ATG16L1: variants seen among roughly 807,000 people sequenced by gnomAD.
ATG16L1 encodes the protein autophagy-related protein 16-1.
In ATG16L1, 37 loss-of-function variants were observed where a neutral mutation model predicts 88.5. The observed-to-expected ratio is 0.42, with a 90% confidence interval of 0.32 to 0.55. The LOEUF is 0.55. ATG16L1 is among the 20% of genes least tolerant of loss of function. The pLI, the probability that ATG16L1 is intolerant of heterozygous loss-of-function variation, is 0.13. For synonymous variants in ATG16L1, 301 were observed against 281.0 expected, an observed-to-expected ratio of 1.07 and a Z score of -0.71; for missense variants, 554 against 752.8, an observed-to-expected ratio of 0.74 and a Z score of 3.09.
At chr2:233,273,328 A>G (rs1698117848) in intron 7 of ATG16L1, 2 of 503,746 alleles carry the variant, frequency 4.0e-6, no homozygotes, top group East Asian at 3.3e-5. Flanking sequence ...ATTAAGCAGA[A>G]TGATTGTTTA....
intron 1 of ATG16L1, 44 bp from the exon 2 acceptor site, chr2:233,256,058 C>A (rs147015927): frequency 2.7e-6 from 4 of 1,508,394 alleles, no homozygotes; most frequent in Non-Finnish European, 3.7e-6. Context: ...AGTGTACATA[C>A]GTTGTAATAA....
At position 233,251,763 on chromosome 2, in the gene ATG16L1, T is replaced by G. The variant is rs1696384728; in HGVS notation, c.-65T>G. On this transcript the variant is annotated 5_prime_UTR_variant, in exon 1 of 18. Coordinates refer to ENST00000392017, the MANE Select transcript of ATG16L1 (RefSeq NM_030803.7). ...CCCGCTTCTGCTGGTTGCTTCATGC[T>G]GCAGGCTGCGGCCGTCAGCCCTCGC... The G allele has an allele frequency of 6.9e-7, 1 of 1,439,800 alleles. No individual in the cohort carries two copies. Among genetic ancestry groups the G allele is most frequent in the Non-Finnish European group, 9.5e-7 (1 of 1,050,938 alleles). The allele number at this position is 1,439,800 out of a possible 1,614,324, so 89.2% of individuals were successfully genotyped here.
intron 10 of ATG16L1, among the ~76,000 whole-genome samples, chr2:233,278,266 T>C (rs2125262144): frequency 6.6e-6 from 1 of 152,302 alleles, no homozygotes; most frequent in Admixed American, 6.5e-5. Context: ...AAAATGGAAG[T>C]TAATGAAACC....
In ATG16L1 at chr2:233,281,102, C is replaced by T; in HGVS notation, c.1061-3C>T. 6.3e-7 allele frequency: 1 copy of T among 1,578,986 alleles called. No homozygotes were observed. The highest frequency in any genetic ancestry group is 8.6e-7 in the Non-Finnish European group (1 of 1,166,554). On this transcript the variant is annotated splice_polypyrimidine_tract_variant and splice_region_variant and intron_variant, in intron 10 of 17. Transcript: ENST00000392017. Reference sequence around the variant, plus strand: ...ATCATCCTAATTTTTTCTTTTTATACAGAAAAATGTGAGTTCAAGGGTTCC... The same window carrying T: ...ATCATCCTAATTTTTTCTTTTTATATAGAAAAATGTGAGTTCAAGGGTTCC...
intron 11 of ATG16L1, 130 bp from the exon 12 acceptor site, chr2:233,282,552 T>A: frequency 1.3e-6 from 1 of 764,884 alleles, no homozygotes; most frequent in Non-Finnish European, 2.3e-6. Context: ...CAGTAGCTGG[T>A]ATTCAGGCTG....
intron 10 of ATG16L1, among the ~76,000 whole-genome samples, chr2:233,278,899 A>G (rs954867691): frequency 2.0e-5 from 3 of 152,222 alleles, no homozygotes; most frequent in African/African-American, 7.2e-5. Flanking sequence ...TTAGAAAACA[A>G]TAATAAAAAC....
chr2:233,288,705 TCCTCAGATCC>T (rs1478644374), intron 12 of ATG16L1: 3 of 511,330 alleles, frequency 5.9e-6, no homozygotes, highest in Non-Finnish European at 1.2e-5. Context: ...AAGGTCTGAG[TCCTCAGATCC>T]CCTCCCGGCA....
intron 12 of ATG16L1, chr2:233,288,996 T>G (rs570973629): frequency 2.2e-6 from 1 of 460,272 alleles, no homozygotes; most frequent in South Asian, 1.6e-5. Context: ...TCCTGATGTT[T>G]CCTTTTGTAA....
chr2:233,258,037 C>A lies in ATG16L1; in HGVS notation c.209+1842C>A, dbSNP rs541494671. ...AAAAAATATCTATATATCTATATAT[C>A]TATATATCTATATCTATCTCTTGGT... On this transcript the variant is annotated intron_variant, in intron 2 of 17. Transcript: ENST00000392017. 1.0e-4 allele frequency among the ~76,000 whole-genome samples: 15 copies of A among 149,280 alleles called. No homozygotes were observed. In the South Asian group the frequency reaches 2.1e-3, roughly 21 times the overall value.
chr2:233,281,852 A>G (rs532102737), intron 11 of ATG16L1, among the ~76,000 whole-genome samples: 9 of 152,196 alleles, frequency 5.9e-5, no homozygotes, highest in Admixed American at 2.0e-4. Context: ...CTGAGTGTCT[A>G]TGTTCCCAGC....
intron 14 of ATG16L1, 114 bp from the exon 15 acceptor site, chr2:233,292,014 C>T (rs936439568): frequency 1.8e-5 from 23 of 1,252,674 alleles, no homozygotes; most frequent in Middle Eastern, 4.7e-4. Flanking sequence ...ACATTGACTG[C>T]GCTGGCAGAG....
In ATG16L1 at chr2:233,263,208, G is replaced by T. The variant is rs1362121789; in HGVS notation, c.288G>T (p.Leu96=). The T allele has an allele frequency of 3.1e-6, 5 of 1,613,944 alleles. No homozygotes were observed. The highest frequency in any genetic ancestry group is 1.7e-5 in the Admixed American group (1 of 59,984). The change falls in exon 3 of 18, where the codon CTG becomes CTT. Residue 96 remains leucine (L), a synonymous_variant. Coordinates refer to ENST00000392017, the MANE Select transcript of ATG16L1 (RefSeq NM_030803.7). ...AQLRIKHQEE[L]TELHKKRGEL... ...TGAGGATTAAGCACCAAGAGGAACTGACTGAATTACACAAGAAACGTGGGG... is the reference window on the plus strand; with the variant it reads ...TGAGGATTAAGCACCAAGAGGAACTTACTGAATTACACAAGAAACGTGGGG...
At chr2:233,259,894 G>C (rs1160630997) in intron 2 of ATG16L1, among the ~76,000 whole-genome samples, 2 of 152,068 alleles carry the variant, frequency 1.3e-5, no homozygotes, top group African/African-American at 4.8e-5. Flanking sequence ...CTTATTCCCA[G>C]ACTGTGGTGA....
In ATG16L1 at chr2:233,293,314, G is replaced by A. The variant is rs772225875; in HGVS notation, c.1687G>A (p.Val563Met). Reference sequence around the variant, plus strand: ...TGAGGGCTCTCTGTATATCTGGAGTGTGCTCACAGGGAAAGTGGAAAAGGT... The same window carrying A: ...TGAGGGCTCTCTGTATATCTGGAGTATGCTCACAGGGAAAGTGGAAAAGGT... ...SAEGSLYIWS[V>M]LTGKVEKVLS... Residue 563 changes from valine (V) to methionine (M), a missense_variant, in exon 17 of 18, where the codon GTG becomes ATG. Coordinates refer to ENST00000392017, the MANE Select transcript of ATG16L1 (RefSeq NM_030803.7). 3 of 1,614,210 alleles carry A rather than the reference G, an allele frequency of 1.9e-6. No homozygotes were observed. The highest frequency in any genetic ancestry group is 2.2e-5 in the South Asian group (2 of 91,080).
At chr2:233,283,011 C>T (rs970956516) in intron 12 of ATG16L1, 6 of 389,574 alleles carry the variant, frequency 1.5e-5, no homozygotes, top group Admixed American at 7.7e-5. Flanking sequence ...GGACTAAATA[C>T]TTTGGTAGAT....
chr2:233,294,426 C>A lies in ATG16L1; in HGVS notation c.*76C>A. 4.9e-6 allele frequency: 6 copies of A among 1,225,192 alleles called. No homozygotes were observed. Among genetic ancestry groups the A allele is most frequent in the Admixed American group, 1.9e-5 (1 of 52,026 alleles). The allele number at this position is 1,225,192 out of a possible 1,614,324, so 75.9% of individuals were successfully genotyped here. On this transcript the variant is annotated 3_prime_UTR_variant, in exon 18 of 18. Transcript: ENST00000392017. ...ATGGGCTCCTGCAGCCCTGTCCTGG[C>A]AGGTGATGTGCTGGGTATAGCATGG...
At position 233,251,881 on chromosome 2, in the gene ATG16L1, G is replaced by A. The variant is rs765689280; in HGVS notation, c.54G>A (p.Ser18=). The A allele has an allele frequency of 5.8e-6, 9 of 1,551,182 alleles. No homozygotes were observed. The South Asian group carries it at 8.3e-5, about 14-fold the overall frequency. The change falls in exon 1 of 18, where the codon TCG becomes TCA. Residue 18 remains serine (S), a synonymous_variant. Transcript: ENST00000392017. ...ADFPRWKRHI[S]EQLRRRDRLQ... ...TCCCCCGCTGGAAGCGCCACATCTCGGAGCAACTGAGGCGCCGGGACCGGC... is the reference window on the plus strand; with the variant it reads ...TCCCCCGCTGGAAGCGCCACATCTCAGAGCAACTGAGGCGCCGGGACCGGC...
chr2:233,277,478 T>TC (rs1574879007), intron 9 of ATG16L1, 90 bp from the exon 10 acceptor site: 3 of 1,188,114 alleles, frequency 2.5e-6, no homozygotes, highest in Non-Finnish European at 3.7e-6. Context: ...GATGAGTGTT[T>TC]CCCCATGAAT....
At chr2:233,291,205 T>G (rs1699441100) in intron 14 of ATG16L1, among the ~76,000 whole-genome samples, 1 of 152,148 alleles carries the variant, frequency 6.6e-6, no homozygotes, top group African/African-American at 2.4e-5. Context: ...TAGATGATGC[T>G]TTGAAACACA....
Sources: gnomAD v4.1 joint callset for allele counts (sites outside exome capture counted in the v4.1 genomes callset) on GRCh38, gnomAD v4.1.1 for gene constraint, MANE v1.5 for transcripts, NCBI Gene and HGNC (gene_info 2026-07-23, HGNC 2026-07-21) for gene names.